GABBR2: variants seen among roughly 807,000 people sequenced by gnomAD.
The protein encoded by GABBR2 is gamma-aminobutyric acid type B receptor subunit 2, also known as G-protein coupled receptor 51.
In GABBR2, 23 loss-of-function variants were observed where a neutral mutation model predicts 105.6. The ratio of observed to expected loss-of-function variants is 0.22; its 90% CI spans 0.16 to 0.31. The LOEUF is 0.31. GABBR2 is among the 10% of genes least tolerant of loss of function. The probability of loss-of-function intolerance (pLI) is 1.00; values close to 1 mark genes in which losing one functional copy is unlikely to be tolerated. For synonymous variants in GABBR2, 478 were observed against 499.7 expected (o/e 0.96, Z 0.58); for missense variants, 734 against 1,245.5 (o/e 0.59, Z 6.18).
chr9:98,607,198 T>A, intron 1 of GABBR2: 1 of 1,592,018 alleles, frequency 6.3e-7, no homozygotes, highest in South Asian at 1.1e-5. Flanking sequence ...CAGTGGATAA[T>A]AGTAATTGCT....
chr9:98,590,495 T>C (rs1329921457), intron 1 of GABBR2, among the ~76,000 whole-genome samples: 2 of 152,246 alleles, frequency 1.3e-5, no homozygotes, highest in Non-Finnish European at 2.9e-5. Flanking sequence ...CTGCGTTTCC[T>C]AATTAGCTGT....
At chr9:98,328,571 C>T (rs1250781715) in intron 13 of GABBR2, among the ~76,000 whole-genome samples, 1 of 152,138 alleles carries the variant, frequency 6.6e-6, no homozygotes, top group African/African-American at 2.4e-5. Context: ...AAGTAATTAA[C>T]ATGCACAGGA....
intron 2 of GABBR2, among the ~76,000 whole-genome samples, chr9:98,566,558 G>A (rs1187246708): frequency 6.6e-6 from 1 of 151,940 alleles, no homozygotes. Flanking sequence ...ACCTGTAGTT[G>A]CAGCTACTCG....
chr9:98,665,150 T>C (rs969451741), intron 1 of GABBR2, among the ~76,000 whole-genome samples: 2 of 152,074 alleles, frequency 1.3e-5, no homozygotes, highest in African/African-American at 4.8e-5. Flanking sequence ...GCACCTGTTG[T>C]ATTAGCTACT....
chr9:98,659,885 C>T (rs1297690133), intron 1 of GABBR2, among the ~76,000 whole-genome samples: 1 of 152,066 alleles, frequency 6.6e-6, no homozygotes, highest in Non-Finnish European at 1.5e-5. Context: ...AAAAATGATG[C>T]TGTAGTTTGC....
chr9:98,434,625 C>A (rs1256889177), intron 7 of GABBR2, among the ~76,000 whole-genome samples: 1 of 152,220 alleles, frequency 6.6e-6, no homozygotes, highest in Non-Finnish European at 1.5e-5. Context: ...AATTCCAACA[C>A]ACCACTGGGC....
rs369250603 is a variant in GABBR2, at chr9:98,542,067, G to A, written c.460-24C>T. 61 of 1,603,774 alleles carry A rather than the reference G, an allele frequency of 3.8e-5. 1 individual carries two copies. Among genetic ancestry groups the A allele is most frequent in the Middle Eastern group, 1.7e-4 (1 of 6,056 alleles). On this transcript the variant is annotated intron_variant, in intron 2 of 18. Coordinates refer to ENST00000259455, the MANE Select transcript of GABBR2 (RefSeq NM_005458.8). ...AGCTGAAAAACACAAAAGAGACAAC[G>A]CTTTTTACTGATGAGCCTCACAGCT...
At chr9:98,520,608 C>T (rs746960829) in intron 3 of GABBR2, among the ~76,000 whole-genome samples, 2 of 152,264 alleles carry the variant, frequency 1.3e-5, no homozygotes, top group Non-Finnish European at 2.9e-5. Context: ...CCAGGAGGGT[C>T]TGGGTATGCC....
chr9:98,439,212 A>G (rs576512787), intron 7 of GABBR2, among the ~76,000 whole-genome samples: 1 of 152,216 alleles, frequency 6.6e-6, no homozygotes, highest in African/African-American at 2.4e-5. Flanking sequence ...GTGGGTCTGG[A>G]TACCAGCTAC....
intron 1 of GABBR2, among the ~76,000 whole-genome samples, chr9:98,602,647 T>C (rs1012408681): frequency 1.3e-5 from 2 of 152,130 alleles, no homozygotes; most frequent in Admixed American, 6.5e-5. Context: ...ACGATGATCA[T>C]AATAATCCTA....
chr9:98,536,955 C>G (rs998737917), intron 3 of GABBR2, among the ~76,000 whole-genome samples: 1 of 152,218 alleles, frequency 6.6e-6, no homozygotes, highest in Non-Finnish European at 1.5e-5. Context: ...CCGAGGCCAC[C>G]AGGTAGAATG....
At chr9:98,661,346 C>T (rs1374106130) in intron 1 of GABBR2, among the ~76,000 whole-genome samples, 2 of 152,126 alleles carry the variant, frequency 1.3e-5, no homozygotes, top group Non-Finnish European at 2.9e-5. Context: ...GCGCCTCGTG[C>T]CTTGGAGTGT....
intron 1 of GABBR2, among the ~76,000 whole-genome samples, chr9:98,695,974 G>A (rs1830745430): frequency 6.6e-6 from 1 of 152,220 alleles, no homozygotes; most frequent in Non-Finnish European, 1.5e-5. Context: ...TAGAAAGTGT[G>A]CTGGACATTA....
At chr9:98,571,480 A>G (rs1002122451) in intron 2 of GABBR2, among the ~76,000 whole-genome samples, 25 of 152,146 alleles carry the variant, frequency 1.6e-4, no homozygotes, top group African/African-American at 5.6e-4. Context: ...GCAAGTCTCC[A>G]GGGGCCAACA....
At chr9:98,430,667 T>C (rs1825791582) in intron 7 of GABBR2, among the ~76,000 whole-genome samples, 1 of 152,122 alleles carries the variant, frequency 6.6e-6, no homozygotes, top group Non-Finnish European at 1.5e-5. Flanking sequence ...ACCTGCATAG[T>C]TCTCCCTCTC....
chr9:98,497,636 CCTTCT>C (rs1827308696), intron 3 of GABBR2, among the ~76,000 whole-genome samples: 2 of 152,258 alleles, frequency 1.3e-5, no homozygotes, highest in East Asian at 3.9e-4. Context: ...GTGATTCTTC[CCTTCT>C]CTGGGCCTCA....
chr9:98,363,002 T>C (rs1270055150), intron 12 of GABBR2, among the ~76,000 whole-genome samples, 165 bp from the exon 13 acceptor site: 1 of 152,132 alleles, frequency 6.6e-6, no homozygotes, highest in East Asian at 1.9e-4. Context: ...AGCTCCTCTG[T>C]GTGACATTCA....
chr9:98,301,300 T>A (rs1220397644), intron 16 of GABBR2, among the ~76,000 whole-genome samples: 1 of 152,200 alleles, frequency 6.6e-6, no homozygotes, highest in Non-Finnish European at 1.5e-5. Flanking sequence ...TCTAGATATG[T>A]AGCATTGGAT....
intron 3 of GABBR2, among the ~76,000 whole-genome samples, chr9:98,540,972 T>C (rs1828281791): frequency 6.6e-6 from 1 of 152,156 alleles, no homozygotes; most frequent in South Asian, 2.1e-4. Context: ...TGGAAGTCAG[T>C]CCTTCTCAAA....
Sources: allele counts gnomAD v4.1 joint callset (sites outside exome capture counted in the v4.1 genomes callset), GRCh38; gene constraint gnomAD v4.1.1; transcripts MANE v1.5; gene names NCBI Gene and HGNC (gene_info 2026-07-23, HGNC 2026-07-21).